The following TMEM229B variants were observed in gnomAD, a reference collection of about 807,000 sequenced individuals.
The protein encoded by TMEM229B is chromosome 14 open reading frame 83.
A neutral mutation model predicts 13.7 loss-of-function variants in TMEM229B; 6 were observed. The observed-to-expected ratio is 0.44, with a 90% CI of 0.24 to 0.86. TMEM229B has a LOEUF of 0.86. TMEM229B is among the 40% of genes least tolerant of loss of function. TMEM229B has a pLI of 0.23. For synonymous variants in TMEM229B, 107 were observed against 102.1 expected (o/e 1.05, Z -0.29); for missense variants, 170 against 236.0 (o/e 0.72, Z 1.83).
chr14:67,518,172 G>A (rs1159208724), upstream of TMEM229B, among the ~76,000 whole-genome samples: 2 of 152,210 alleles, frequency 1.3e-5, no homozygotes, highest in African/African-American at 2.4e-5. Flanking sequence ...ACACACCAAA[G>A]GATACCAGCC....
At chr14:67,493,781 G>A (rs2032260033) in intron 1 of TMEM229B, among the ~76,000 whole-genome samples, 1 of 152,116 alleles carries the variant, frequency 6.6e-6, no homozygotes, top group South Asian at 2.1e-4. Flanking sequence ...CCACAAAAGA[G>A]GCATCCTTTT....
chr14:67,532,744 AT>A (rs1263224523), intron 1 of TMEM229B, among the ~76,000 whole-genome samples: 1 of 152,150 alleles, frequency 6.6e-6, no homozygotes, highest in African/African-American at 2.4e-5. Context: ...TCTCCTGCAA[AT>A]TGCAACTCAG....
chr14:67,484,531 G>A (rs1370205955), intron 2 of TMEM229B, among the ~76,000 whole-genome samples: 1 of 152,184 alleles, frequency 6.6e-6, no homozygotes, highest in Non-Finnish European at 1.5e-5. Flanking sequence ...AAAGTTCCCT[G>A]TAATCACACA....
At chr14:67,517,266 C>G (rs567843674), upstream of TMEM229B, among the ~76,000 whole-genome samples, 1 of 152,166 alleles carries the variant, frequency 6.6e-6, no homozygotes, top group South Asian at 2.1e-4. Flanking sequence ...CTGTGGCCGG[C>G]GGCTGGCAGC....
At chr14:67,500,879 T>C (rs890289749) in intron 1 of TMEM229B, among the ~76,000 whole-genome samples, 20 of 151,912 alleles carry the variant, frequency 1.3e-4, no homozygotes, top group Non-Finnish European at 2.5e-4. Flanking sequence ...CCTGGATATT[T>C]TTTAAAGTTT....
At chr14:67,485,040 A>G (rs540286094) in intron 2 of TMEM229B, among the ~76,000 whole-genome samples, 1 of 152,348 alleles carries the variant, frequency 6.6e-6, no homozygotes, top group South Asian at 2.1e-4. Flanking sequence ...ACTACTACAG[A>G]TGATATAACG....
intron 2 of TMEM229B, among the ~76,000 whole-genome samples, chr14:67,483,922 G>A (rs2031733627): frequency 6.6e-6 from 1 of 152,250 alleles, no homozygotes; most frequent in South Asian, 2.1e-4. Context: ...GGCAGGGTGA[G>A]TGGGCTTGGG....
upstream of TMEM229B, among the ~76,000 whole-genome samples, chr14:67,516,789 C>T (rs568581550): frequency 5.9e-5 from 9 of 152,282 alleles, no homozygotes; most frequent in East Asian, 1.7e-3. Flanking sequence ...CTGGTCAAGC[C>T]ATTTTTCTCA....
chr14:67,522,614 T>G (rs2033308164), intron 1 of TMEM229B, among the ~76,000 whole-genome samples: 2 of 152,160 alleles, frequency 1.3e-5, no homozygotes, highest in Non-Finnish European at 1.5e-5. Context: ...TTGGCAACAT[T>G]AATAGGTTAA....
In TMEM229B at chr14:67,473,267, C is replaced by A; in HGVS notation, c.*153G>T. 1 of 1,052,198 alleles carries A rather than the reference C, an allele frequency of 9.5e-7. No homozygotes were observed. The highest frequency in any genetic ancestry group is 3.2e-4 in the Middle Eastern group (1 of 3,104). 65.2% of individuals were successfully genotyped at this position (1,052,198 alleles called of 1,614,324 possible). The stretch of plus-strand genomic sequence containing the variant: ...CCTGACCACGGCCCCCCAACACCGG[C>A]CCCCGCGGACGTTAGGGGGCTCTGT... On this transcript the variant is annotated 3_prime_UTR_variant, in exon 3 of 3. Transcript: ENST00000554480. This position sits in a 1 kb window ranked among gnomAD's most constrained non-coding sequence, Gnocchi z 6.5.
At chr14:67,511,488 C>T (rs1286739731) in intron 1 of TMEM229B, among the ~76,000 whole-genome samples, 4 of 152,170 alleles carry the variant, frequency 2.6e-5, no homozygotes, top group Non-Finnish European at 1.5e-5. Context: ...ATACCAGCCA[C>T]ACTGGGAGCC....
chr14:67,479,348 G>A (rs1252709875), intron 2 of TMEM229B, among the ~76,000 whole-genome samples: 1 of 150,806 alleles, frequency 6.6e-6, no homozygotes, highest in Non-Finnish European at 1.5e-5. Flanking sequence ...GGAGGTGGAG[G>A]TAGCAGTGAG....
At chr14:67,508,135 C>CCAA (rs1555361527) in intron 1 of TMEM229B, among the ~76,000 whole-genome samples, 1 of 130,632 alleles carries the variant, frequency 7.7e-6, no homozygotes, top group Non-Finnish European at 1.6e-5. Flanking sequence ...AACTCCATCT[C>CCAA]AAAAAAAAAA....
intron 1 of TMEM229B, among the ~76,000 whole-genome samples, chr14:67,496,859 G>A (rs542662219): frequency 1.1e-4 from 16 of 150,718 alleles, no homozygotes; most frequent in South Asian, 2.1e-4. Flanking sequence ...GTACAGTGGC[G>A]CAATCTCAGC....
intron 1 of TMEM229B, chr14:67,503,507 A>G (rs1205535119): frequency 6.6e-6 from 1 of 152,214 alleles, no homozygotes; most frequent in Non-Finnish European, 1.5e-5. Flanking sequence ...AGCATTTCCC[A>G]TCCCTGCATG....
intron 2 of TMEM229B, among the ~76,000 whole-genome samples, chr14:67,474,194 G>A (rs1233308842): frequency 1.3e-5 from 2 of 151,932 alleles, no homozygotes; most frequent in African/African-American, 4.8e-5. Context: ...AGAGGTTGGA[G>A]TGAGCCAAGA....
intron 1 of TMEM229B, among the ~76,000 whole-genome samples, chr14:67,506,361 G>A (rs181533901): frequency 6.5e-4 from 99 of 152,202 alleles, no homozygotes; most frequent in Admixed American, 1.6e-3. Flanking sequence ...AATCCCACTG[G>A]ATAAACATAA....
rs3742861 is a variant in TMEM229B at position 67,471,361 on chromosome 14, A to G, written c.*2059T>C. 29,555 of 152,206 alleles carry G rather than the reference A, an allele frequency of 0.19. 2,951 individuals carry two copies. The highest frequency in any genetic ancestry group is 0.24 in the South Asian group (1,155 of 4,820). The allele number at this position is 152,206 out of a possible 1,614,324, so 9.4% of individuals were successfully genotyped here. A position where few individuals can be genotyped will look rare whatever the true frequency, so the allele number is the denominator to read the frequency against. On this transcript the variant is annotated 3_prime_UTR_variant, in exon 3 of 3. Coordinates refer to ENST00000554480, the MANE Select transcript of TMEM229B (RefSeq NM_001348543.2). ...TGGGTAGTGTGGTCTAGGGGCCCAC[A>G]TGGAAGGCCTGAAGGGGTGCTGGGA...
At chr14:67,525,593 T>C (rs2033354803) in intron 1 of TMEM229B, among the ~76,000 whole-genome samples, 1 of 152,216 alleles carries the variant, frequency 6.6e-6, no homozygotes, top group African/African-American at 2.4e-5. Context: ...CAACATGCCA[T>C]GTCAGCGAAA....
Sources: allele counts gnomAD v4.1 joint callset (sites outside exome capture counted in the v4.1 genomes callset), GRCh38; gene constraint gnomAD v4.1.1; non-coding constraint Gnocchi (gnomAD v3.1); transcripts MANE v1.5; gene names NCBI Gene and HGNC (gene_info 2026-07-23, HGNC 2026-07-21).